The following IGF1R variants were observed in gnomAD, a reference collection of about 807,000 sequenced individuals.
IGF1R encodes the protein insulin like growth factor 1 receptor.
In IGF1R, 44 loss-of-function variants were observed where a neutral mutation model predicts 144.6. The ratio of observed to expected loss-of-function variants is 0.30; its 90% CI spans 0.24 to 0.39. The LOEUF (loss-of-function observed/expected upper bound fraction) is 0.39. IGF1R is among the 10% of genes least tolerant of loss of function. IGF1R has a pLI of 1.00. For synonymous variants in IGF1R, 795 were observed against 722.8 expected (o/e 1.10, Z -1.60); for missense variants, 1,355 against 1,833.7 (o/e 0.74, Z 4.77).
At position 98,934,950 on chromosome 15, in the gene IGF1R, C is replaced by A. The variant is rs1219183782; in HGVS notation, c.3083C>A (p.Thr1028Asn). The change falls in exon 16 of 21, where the codon ACC becomes AAC. Residue 1028 changes from threonine (T) to asparagine (N), a missense_variant. Thr to Asn is a moderately conservative substitution (Grantham distance 65). This residue lies in a region of IGF1R where 880 missense variants were observed against 1,202.7 expected (regional missense o/e 0.73). Coordinates refer to ENST00000650285, the MANE Select transcript of IGF1R (RefSeq NM_000875.5). ...GGTGTGGTGAAAGATGAACCTGAAA[C>A]CAGAGTGGCCATTAAAACAGTGAAC... Reference protein sequence around the residue: ...AKGVVKDEPETRVAIKTVNEA... With the variant: ...AKGVVKDEPENRVAIKTVNEA... 1 of 1,614,092 alleles carries A rather than the reference C, an allele frequency of 6.2e-7. No individual in the cohort carries two copies. The highest frequency in any genetic ancestry group is 1.7e-5 in the Admixed American group (1 of 60,008).
intron 1 of IGF1R, among the ~76,000 whole-genome samples, chr15:98,688,405 A>C (rs1363913273): frequency 7.0e-5 from 9 of 127,988 alleles, no homozygotes; most frequent in African/African-American, 1.2e-4. Flanking sequence ...CTCACCACAC[A>C]ACACACACCT....
At chr15:98,700,157 G>T (rs938054092) in intron 1 of IGF1R, among the ~76,000 whole-genome samples, 51 of 152,232 alleles carry the variant, frequency 3.4e-4, no homozygotes, top group African/African-American at 1.2e-3. Flanking sequence ...TAGGAATGAG[G>T]CCTAAAGAAA....
At position 98,930,265 on chromosome 15, in the gene IGF1R, G is replaced by A. The variant is rs954395640; in HGVS notation, c.2916G>A (p.Leu972=). 5.0e-6 allele frequency: 8 copies of A among 1,613,398 alleles called. No homozygotes were observed. The highest frequency in any genetic ancestry group is 6.8e-6 in the Non-Finnish European group (8 of 1,179,682). ...ACAGCAGGCTGGGGAATGGAGTGCT[G>A]TATGCCTCTGTGAACCCGGAGTACT... ...RNNSRLGNGV[L]YASVNPEYFS... Residue 972 remains leucine (L), a synonymous_variant, in exon 15 of 21, where the codon CTG becomes CTA. Coordinates refer to ENST00000650285, the MANE Select transcript of IGF1R (RefSeq NM_000875.5).
chr15:98,816,548 C>T (rs1339999328), intron 2 of IGF1R, among the ~76,000 whole-genome samples: 1 of 152,186 alleles, frequency 6.6e-6, no homozygotes, highest in Admixed American at 6.5e-5. Context: ...AAGTTGGGCT[C>T]TTGAGAAGTT....
Position 98,929,733 on chromosome 15 carries a change from T to C in IGF1R, c.2885+73T>C, listed in dbSNP as rs564151832. On this transcript the variant is annotated intron_variant, in intron 14 of 20. Coordinates refer to ENST00000650285, the MANE Select transcript of IGF1R (RefSeq NM_000875.5). ...ATGATTTGAATGTGAGTGAAGGTGA[T>C]ATTTTTGAAGATTTCAAGGAAATAT... 7 of 1,017,248 alleles carry C rather than the reference T, an allele frequency of 6.9e-6. No homozygotes were observed. The South Asian group carries it at 8.9e-5, about 13-fold the overall frequency. 63.0% of individuals were successfully genotyped at this position (1,017,248 alleles called of 1,614,324 possible). A position where few individuals can be genotyped will look rare whatever the true frequency, so the allele number is the denominator to read the frequency against.
chr15:98,727,822 G>T lies in IGF1R; in HGVS notation c.640+19715G>T, dbSNP rs369990004. On this transcript the variant is annotated intron_variant, in intron 2 of 20. Coordinates refer to ENST00000650285, the MANE Select transcript of IGF1R (RefSeq NM_000875.5). ...GGCAGAAGGACTGGGGAAACCGCCG[G>T]CCGGCCCTGGTGCGCTGTCACCCCG... Among the ~76,000 whole-genome samples the T allele has an allele frequency of 2.6e-3, 391 of 152,250 alleles. 2 individuals carry two copies. Among genetic ancestry groups the T allele is most frequent in the African/African-American group, 9.2e-3 (383 of 41,540 alleles).
At chr15:98,768,018 G>C (rs1277766739) in intron 2 of IGF1R, among the ~76,000 whole-genome samples, 1 of 152,088 alleles carries the variant, frequency 6.6e-6, no homozygotes, top group East Asian at 1.9e-4. Context: ...TAGCCATGAG[G>C]TGAAGCATAG....
intron 2 of IGF1R, among the ~76,000 whole-genome samples, chr15:98,765,938 C>T (rs978927077): frequency 5.3e-5 from 8 of 152,130 alleles, no homozygotes; most frequent in African/African-American, 1.4e-4. Context: ...GCTGATGCCA[C>T]GCAAGGGAGA....
At chr15:98,786,041 C>A (rs986373400) in intron 2 of IGF1R, among the ~76,000 whole-genome samples, 1 of 152,228 alleles carries the variant, frequency 6.6e-6, no homozygotes, top group Non-Finnish European at 1.5e-5. Flanking sequence ...CTCTCACCCT[C>A]CCTTTTAGGG....
chr15:98,739,645 G>A (rs1042207127), intron 2 of IGF1R, among the ~76,000 whole-genome samples: 4 of 152,030 alleles, frequency 2.6e-5, no homozygotes, highest in African/African-American at 9.7e-5. Context: ...AAGAGTCTCT[G>A]TTGTCCAGGC....
intron 2 of IGF1R, among the ~76,000 whole-genome samples, chr15:98,757,691 A>G (rs62024539): frequency 0.16 from 24,464 of 151,924 alleles, 2,557 homozygotes; most frequent in South Asian, 0.29. Context: ...TTTGCTTGGT[A>G]TACTCTTGTT....
chr15:98,909,426 T>A (rs1596433194), intron 6 of IGF1R, among the ~76,000 whole-genome samples: 1 of 151,866 alleles, frequency 6.6e-6, no homozygotes, highest in East Asian at 1.9e-4. Flanking sequence ...GCCCAGCTAA[T>A]TTTTGGATTT....
intron 2 of IGF1R, among the ~76,000 whole-genome samples, chr15:98,798,205 C>T (rs972920600): frequency 2.6e-5 from 4 of 152,042 alleles, no homozygotes; most frequent in African/African-American, 9.7e-5. Context: ...GTGTGGGGTA[C>T]AGGGTACGTG....
At chr15:98,840,549 A>G (rs745431582) in intron 2 of IGF1R, among the ~76,000 whole-genome samples, 3 of 152,130 alleles carry the variant, frequency 2.0e-5, no homozygotes, top group Non-Finnish European at 2.9e-5. Flanking sequence ...TCCTGGGTTC[A>G]TGCAGTCCTC....
At position 98,891,412 on chromosome 15, in the gene IGF1R, A is replaced by G. The variant is rs142528634; in HGVS notation, c.728A>G (p.Asp243Gly). ...TGCCTGGGCAGCTGCAGCGCGCCTG[A>G]CAACGACACGGCCTGTGTAGCTTGC... ...PECLGSCSAP[D>G]NDTACVACRH... Residue 243 changes from aspartate (D) to glycine (G), a missense_variant, in exon 3 of 21, where the codon GAC (aspartate) becomes GGC (glycine). This residue lies in a region of IGF1R where 880 missense variants were observed against 1,202.7 expected (regional missense o/e 0.73). Coordinates refer to ENST00000650285, the MANE Select transcript of IGF1R (RefSeq NM_000875.5). This position sits in a 1 kb window ranked among gnomAD's most constrained non-coding sequence, Gnocchi z 4.7. 1.9e-6 allele frequency: 3 copies of G among 1,613,212 alleles called. No individual in the cohort carries two copies. In the African/African-American group the frequency reaches 4.0e-5, roughly 22 times the overall value.
intron 2 of IGF1R, among the ~76,000 whole-genome samples, chr15:98,770,919 C>A (rs552630698): frequency 1.3e-5 from 2 of 152,280 alleles, no homozygotes; most frequent in Non-Finnish European, 2.9e-5. Context: ...TTCTCAGAGA[C>A]TTCTGATCCC....
intron 2 of IGF1R, among the ~76,000 whole-genome samples, chr15:98,850,211 A>G (rs2141555054): frequency 6.6e-6 from 1 of 152,386 alleles, no homozygotes; most frequent in African/African-American, 2.4e-5. Context: ...GAAGAAAATG[A>G]AGGTCTGTGT....
At chr15:98,728,947 C>T (rs78731875) in intron 2 of IGF1R, among the ~76,000 whole-genome samples, 3,014 of 152,324 alleles carry the variant, frequency 0.02, 86 homozygotes, top group African/African-American at 0.058. Context: ...CTCAGCTACA[C>T]GACTGTGGAC....
At position 98,959,585 on chromosome 15, in the gene IGF1R, TG is replaced by T. The variant is rs1168551213; in HGVS notation, c.*2145del. 4.3e-6 allele frequency: 1 copy of T among 233,512 alleles called. No homozygotes were observed. The highest frequency in any genetic ancestry group is 2.2e-5 in the African/African-American group (1 of 45,356). The allele number at this position is 233,512 out of a possible 1,614,324, so 14.5% of individuals were successfully genotyped here. On this transcript the variant is annotated 3_prime_UTR_variant, in exon 21 of 21. Coordinates refer to ENST00000650285, the MANE Select transcript of IGF1R (RefSeq NM_000875.5). ...TGCTGGGGGACCAGGGCTGTGGTGC[TG>T]GCCCACTTTCCCTCGGCCAGGAATC...
Sources: gnomAD v4.1 joint callset for allele counts (sites outside exome capture counted in the v4.1 genomes callset) on GRCh38, gnomAD v4.1.1 for gene constraint, gnomAD v4.1.1 regional missense constraint, Gnocchi (gnomAD v3.1) non-coding constraint, MANE v1.5 for transcripts, NCBI Gene and HGNC (gene_info 2026-07-23, HGNC 2026-07-21) for gene names.